Variants in AGBL1 observed in about 807,000 individuals in gnomAD.
The protein encoded by AGBL1 is AGBL carboxypeptidase 1.
A neutral mutation model predicts 118.9 loss-of-function variants in AGBL1; 130 were observed. The ratio of observed to expected loss-of-function variants is 1.09; its 90% CI spans 0.95 to 1.26. The LOEUF (loss-of-function observed/expected upper bound fraction) is 1.26, where lower values mean the gene tolerates loss of function less well. Ranked by LOEUF, AGBL1 falls within the 50% of genes most tolerant of loss-of-function variation. The pLI, the probability that AGBL1 is intolerant of heterozygous loss-of-function variation, is 0.00. For synonymous variants in AGBL1, 555 were observed against 478.9 expected, an observed-to-expected ratio of 1.16 and a Z score of -2.08; for missense variants, 1,584 against 1,298.1, an observed-to-expected ratio of 1.22 and a Z score of -3.38.
At chr15:86,462,994 G>T (rs2082352794) in intron 18 of AGBL1, among the ~76,000 whole-genome samples, 1 of 152,146 alleles carries the variant, frequency 6.6e-6, no homozygotes, top group Admixed American at 6.5e-5. Context: ...TCTAGTTCTA[G>T]ATCCTTGAGG....
At chr15:86,120,726 C>A (rs1898044843) in intron 1 of AGBL1, among the ~76,000 whole-genome samples, 1 of 152,018 alleles carries the variant, frequency 6.6e-6, no homozygotes, top group Non-Finnish European at 1.5e-5. Flanking sequence ...TGGTTCAATG[C>A]AAAAATGAGT....
rs146278254 is a variant in AGBL1, at chr15:86,571,528, A to G, written c.2994+16991A>G. On this transcript the variant is annotated intron_variant, in intron 21 of 22. Coordinates refer to ENST00000614907, the MANE Select transcript of AGBL1 (RefSeq NM_001386094.1). The stretch of plus-strand genomic sequence containing the variant: ...CTTGCTCTCTGCAGCTGGTTGTCCC[A>G]TTGTTTCTTCAGCTCACAGCAAAGA... Among the ~76,000 whole-genome samples the G allele has an allele frequency of 5.0e-3, 762 of 152,104 alleles. 9 individuals carry two copies. The highest frequency in any genetic ancestry group is 0.017 in the African/African-American group (722 of 41,506).
intron 5 of AGBL1, among the ~76,000 whole-genome samples, chr15:86,167,971 C>G (rs560676631): frequency 6.6e-6 from 1 of 152,256 alleles, no homozygotes; most frequent in Admixed American, 6.5e-5. Flanking sequence ...TAGTAGAGAT[C>G]AGGTCTGAGT....
At chr15:86,243,731 G>T (rs145667362) in intron 6 of AGBL1, among the ~76,000 whole-genome samples, 1 of 152,108 alleles carries the variant, frequency 6.6e-6, no homozygotes, top group African/African-American at 2.4e-5. Context: ...AATGTAGGCC[G>T]GGCATGGTGG....
At position 86,907,936 on chromosome 15, in the gene AGBL1, T is replaced by A. The variant is rs1053971117; in HGVS notation, c.*642T>A. ...GCACTAGACTCTTAGAAATAAGACA[T>A]TGTCACTGATCTTCACAGATTTTAA... On this transcript the variant is annotated 3_prime_UTR_variant, in exon 23 of 23. Transcript: ENST00000614907. 9.2e-5 allele frequency: 14 copies of A among 152,290 alleles called. No individual in the cohort carries two copies. Among genetic ancestry groups the A allele is most frequent in the African/African-American group, 3.4e-4 (14 of 41,562 alleles). The allele number at this position is 152,290 out of a possible 1,614,324, so 9.4% of individuals were successfully genotyped here.
chr15:86,119,655 TTGTG>T (rs59997626), intron 1 of AGBL1, among the ~76,000 whole-genome samples: 8,774 of 148,602 alleles, frequency 0.059, 287 homozygotes, highest in Middle Eastern at 0.087. Flanking sequence ...GAAAAGTAGT[TTGTG>T]TGTGTGTGTG....
chr15:86,668,559 T>C (rs535919172), intron 21 of AGBL1, among the ~76,000 whole-genome samples: 3 of 152,300 alleles, frequency 2.0e-5, no homozygotes, highest in African/African-American at 4.8e-5. Context: ...TTATCTGCAA[T>C]ATTTCTTCAC....
chr15:86,236,958 GGC>G (rs2078560736), intron 6 of AGBL1, among the ~76,000 whole-genome samples: 1 of 124,622 alleles, frequency 8.0e-6, no homozygotes, highest in African/African-American at 3.2e-5. Context: ...GGGGCGGGGG[GGC>G]GCCAAGTTGC....
At position 86,859,273 on chromosome 15, in the gene AGBL1, C is replaced by G. The variant is rs186359973; in HGVS notation, c.3159-47814C>G. Among the ~76,000 whole-genome samples the G allele has an allele frequency of 2.6e-4, 39 of 152,332 alleles. No homozygotes were observed. The East Asian group carries it at 7.5e-3, about 29-fold the overall frequency. Reference sequence around the variant, plus strand: ...CTCTAGCCTCACCCTGGGCAAGGCACTTCCCACAGGCAGTGATGACCTAGA... The same window carrying G: ...CTCTAGCCTCACCCTGGGCAAGGCAGTTCCCACAGGCAGTGATGACCTAGA... On this transcript the variant is annotated intron_variant, in intron 22 of 22. Transcript: ENST00000614907.
chr15:86,680,460 A>C (rs1596363559), intron 22 of AGBL1, among the ~76,000 whole-genome samples: 2 of 151,872 alleles, frequency 1.3e-5, no homozygotes, highest in African/African-American at 4.8e-5. Context: ...GACGTGGCCA[A>C]ATTTACTCTG....
At chr15:86,370,301 CTTTTTTTT>C (rs5814238) in intron 17 of AGBL1, among the ~76,000 whole-genome samples, 1 of 131,032 alleles carries the variant, frequency 7.6e-6, no homozygotes, top group African/African-American at 2.9e-5. Flanking sequence ...GTCTCTATTC[CTTTTTTTT>C]TTTTTTTTTT....
At chr15:86,952,515 C>A (rs886528964) in intron 23 of AGBL1, among the ~76,000 whole-genome samples, 1 of 151,928 alleles carries the variant, frequency 6.6e-6, no homozygotes, top group Admixed American at 6.6e-5. Flanking sequence ...TATCCTTTGC[C>A]CATTTTTTAA....
intron 18 of AGBL1, among the ~76,000 whole-genome samples, chr15:86,447,924 T>C (rs2082143741): frequency 6.6e-6 from 1 of 152,140 alleles, no homozygotes; most frequent in South Asian, 2.1e-4. Context: ...GTGGGAGGAT[T>C]GCTTGAGCTC....
intron 22 of AGBL1, among the ~76,000 whole-genome samples, chr15:86,779,819 CTTCTT>C (rs1452052310): frequency 6.6e-6 from 1 of 151,888 alleles, no homozygotes; most frequent in Admixed American, 6.6e-5. Flanking sequence ...ATTTGAGTCT[CTTCTT>C]TTGTGAAGAG....
At chr15:86,559,631 T>G (rs1265517460) in intron 21 of AGBL1, among the ~76,000 whole-genome samples, 1 of 152,184 alleles carries the variant, frequency 6.6e-6, no homozygotes, top group Non-Finnish European at 1.5e-5. Context: ...ATATCTTAAA[T>G]TACTTCATGT....
chr15:86,181,967 A>C (rs1373991891), intron 5 of AGBL1, among the ~76,000 whole-genome samples: 1 of 152,124 alleles, frequency 6.6e-6, no homozygotes, highest in East Asian at 1.9e-4. Context: ...GCATTCATTC[A>C]TTCAAAAAGG....
chr15:86,553,278 A>G (rs1412179473), intron 20 of AGBL1, among the ~76,000 whole-genome samples: 1 of 152,182 alleles, frequency 6.6e-6, no homozygotes, highest in Non-Finnish European at 1.5e-5. Flanking sequence ...CTGACTCAGA[A>G]CTGTGTATAC....
intron 21 of AGBL1, among the ~76,000 whole-genome samples, chr15:86,610,600 G>A (rs2084642295): frequency 1.3e-5 from 2 of 152,016 alleles, no homozygotes; most frequent in African/African-American, 4.8e-5. Context: ...GTTTAAAATG[G>A]GAAACAACCA....
Position 86,680,847 on chromosome 15 carries a change from G to T in AGBL1, c.3158+6411G>T, listed in dbSNP as rs549958452. Among the ~76,000 whole-genome samples, 6 of 151,942 alleles carry T rather than the reference G, an allele frequency of 3.9e-5. No homozygotes were observed. In the South Asian group the frequency reaches 1.0e-3, roughly 26 times the overall value. ...CTCCCAAAGTGCTGGGATTACAGGC[G>T]TGAGCCACTGCACCTGGCCGCACCC... On this transcript the variant is annotated intron_variant, in intron 22 of 22. Transcript: ENST00000614907.
Sources: allele counts gnomAD v4.1 joint callset (sites outside exome capture counted in the v4.1 genomes callset), GRCh38; gene constraint gnomAD v4.1.1; transcripts MANE v1.5; gene names NCBI Gene and HGNC (gene_info 2026-07-23, HGNC 2026-07-21).